Variants in NOX4 observed in about 807,000 individuals in gnomAD.
NOX4 encodes kidney oxidase-1.
Under a neutral mutation model 87.6 loss-of-function variants are expected in NOX4, and 69 were observed. The observed-to-expected ratio is 0.79, with a 90% CI of 0.65 to 0.96. The LOEUF is 0.96. Ranked by LOEUF, NOX4 falls within the 40% of genes least tolerant of loss-of-function variation. NOX4 has a pLI of 0.00. For missense variants in NOX4, 680 were observed against 681.5 expected (o/e 1.00, Z 0.02); for synonymous variants, 275 against 238.2 (o/e 1.15, Z -1.42).
At chr11:89,541,418 C>A in the NOX4 span, among the ~76,000 whole-genome samples, 1 of 152,156 alleles carries the variant, frequency 6.6e-6, no homozygotes, top group Admixed American at 6.5e-5. Flanking sequence ...TCAGTCTCTT[C>A]CAACAACCAG....
the NOX4 span, among the ~76,000 whole-genome samples, chr11:89,573,372 T>TA: frequency 1.1e-4 from 16 of 152,158 alleles, no homozygotes; most frequent in East Asian, 9.7e-4. Context: ...CTGTCTCTAC[T>TA]AAAAAAAGTA....
chr11:89,434,415 G>A (rs941118063), intron 6 of NOX4, among the ~76,000 whole-genome samples: 5 of 151,870 alleles, frequency 3.3e-5, no homozygotes, highest in African/African-American at 7.3e-5. Context: ...TCTTCTTTAC[G>A]CTTCCTTCCT....
chr11:89,353,187 A>G (rs895738632), intron 13 of NOX4, among the ~76,000 whole-genome samples: 2 of 152,258 alleles, frequency 1.3e-5, no homozygotes, highest in African/African-American at 4.8e-5. Flanking sequence ...AAGCAACAGC[A>G]GGGTTTGAGA....
At chr11:89,514,297 T>G in the NOX4 span, among the ~76,000 whole-genome samples, 6 of 152,156 alleles carry the variant, frequency 3.9e-5, no homozygotes, top group African/African-American at 1.4e-4. Context: ...AATTTCATTT[T>G]CATATTGACA....
chr11:89,559,890 G>T, the NOX4 span, among the ~76,000 whole-genome samples: 1 of 152,064 alleles, frequency 6.6e-6, no homozygotes, highest in Non-Finnish European at 1.5e-5. Context: ...AGCTTGATAC[G>T]TTAAACCCAT....
At chr11:89,446,453 G>A (rs1591278036) in intron 4 of NOX4, among the ~76,000 whole-genome samples, 1 of 151,884 alleles carries the variant, frequency 6.6e-6, no homozygotes, top group East Asian at 1.9e-4. Flanking sequence ...TCGAAATCTG[G>A]AAGCAACCAA....
chr11:89,344,454 G>A (rs1159967150), intron 13 of NOX4, among the ~76,000 whole-genome samples: 1 of 152,130 alleles, frequency 6.6e-6, no homozygotes, highest in South Asian at 2.1e-4. Context: ...GGAGGCTGAG[G>A]CAGGAGGATG....
At chr11:89,410,767 T>C (rs981267183) in intron 8 of NOX4, among the ~76,000 whole-genome samples, 4 of 152,146 alleles carry the variant, frequency 2.6e-5, no homozygotes, top group African/African-American at 7.2e-5. Flanking sequence ...TGCTCTGGGA[T>C]TGTAAATAAA....
the NOX4 span, among the ~76,000 whole-genome samples, chr11:89,565,025 C>T: frequency 1.3e-5 from 2 of 152,050 alleles, no homozygotes; most frequent in Admixed American, 1.3e-4. Flanking sequence ...AGTCTGCTTA[C>T]TGATATCTAA....
In NOX4 at chr11:89,402,527, A is replaced by G. The variant is rs1457440707; in HGVS notation, c.645T>C (p.Tyr215=). 6.2e-7 allele frequency: 1 copy of G among 1,610,918 alleles called. No homozygotes were observed. Among genetic ancestry groups the G allele is most frequent in the Non-Finnish European group, 8.5e-7 (1 of 1,178,344 alleles). The change falls in exon 9 of 18, where the codon TAT becomes TAC. Residue 215 remains tyrosine (Y), a synonymous_variant. Coordinates refer to ENST00000263317, the MANE Select transcript of NOX4 (RefSeq NM_016931.5). The part of the protein sequence containing the change: ...TLHVSGGLLK[Y]QTNLDTHPPG... ...GAGGGTGGGTATCTAAATTAGTTTGATACTTCAGCAGCCCTCTAAAATTAC... is the reference window on the plus strand; with the variant it reads ...GAGGGTGGGTATCTAAATTAGTTTGGTACTTCAGCAGCCCTCTAAAATTAC...
chr11:89,372,781 A>G (rs1329071175), intron 12 of NOX4, among the ~76,000 whole-genome samples: 1 of 152,110 alleles, frequency 6.6e-6, no homozygotes, highest in African/African-American at 2.4e-5. Flanking sequence ...TAACAATAAC[A>G]TAACCAACCA....
the NOX4 span, among the ~76,000 whole-genome samples, chr11:89,516,585 A>C: frequency 1.3e-5 from 2 of 152,070 alleles, no homozygotes; most frequent in East Asian, 3.9e-4. Context: ...TACCTGGTTC[A>C]GCACTATTTT....
At position 89,421,981 on chromosome 11, in the gene NOX4, C is replaced by T. The variant is rs1363255979; in HGVS notation, c.550G>A (p.Val184Ile). 6.6e-7 allele frequency: 1 copy of T among 1,510,592 alleles called. No homozygotes were observed. The highest frequency in any genetic ancestry group is 2.2e-5 in the Admixed American group (1 of 45,390). The allele number at this position is 1,510,592 out of a possible 1,614,324, so 93.6% of individuals were successfully genotyped here. ...TACCAGAAGATATCATAGTTAGAAACTCTGCAAAAACAAATACACTCATTT... is the reference window on the plus strand; with the variant it reads ...TACCAGAAGATATCATAGTTAGAAATTCTGCAAAAACAAATACACTCATTT... Reference protein sequence around the residue: ...MITASTYAIRVSNYDIFWYTH... With the variant: ...MITASTYAIRISNYDIFWYTH... Residue 184 changes from valine to isoleucine, a missense_variant and splice_region_variant, in exon 8 of 18, where the codon GTT becomes ATT. Physicochemically the swap from Val to Ile is conservative, Grantham distance 29. Transcript: ENST00000263317.
chr11:89,499,442 G>A (rs188092233), upstream of NOX4, among the ~76,000 whole-genome samples: 162 of 152,278 alleles, frequency 1.1e-3, no homozygotes, highest in Middle Eastern at 6.8e-3. Context: ...CAACAGTGTG[G>A]CAAAGGTTTT....
chr11:89,477,640 A>G (rs916442946), intron 2 of NOX4, among the ~76,000 whole-genome samples: 3 of 152,160 alleles, frequency 2.0e-5, no homozygotes, highest in Non-Finnish European at 4.4e-5. Context: ...ACTGAGGTAT[A>G]TGTTTAATTA....
chr11:89,443,074 T>G, intron 5 of NOX4, among the ~76,000 whole-genome samples: 1 of 152,136 alleles, frequency 6.6e-6, no homozygotes, highest in East Asian at 1.9e-4. Flanking sequence ...CAGTGCTGGA[T>G]GCACTCTACA....
chr11:89,438,809 T>A (rs1333750235), intron 6 of NOX4, among the ~76,000 whole-genome samples: 3 of 24,186 alleles, frequency 1.2e-4, no homozygotes, highest in Non-Finnish European at 1.6e-4. Flanking sequence ...ATATTATATA[T>A]TATATATATT....
chr11:89,448,040 C>T (rs1057207497), intron 4 of NOX4, among the ~76,000 whole-genome samples: 1 of 152,184 alleles, frequency 6.6e-6, no homozygotes, highest in African/African-American at 2.4e-5. Flanking sequence ...GCTATCAAAA[C>T]AGCTATGTCA....
At chr11:89,387,340 C>T (rs537904200) in intron 11 of NOX4, among the ~76,000 whole-genome samples, 1 of 152,068 alleles carries the variant, frequency 6.6e-6, no homozygotes, top group East Asian at 1.9e-4. Context: ...AGAAGCTCCC[C>T]CACTGAGCAC....
Sources: gnomAD v4.1 joint callset for allele counts (sites outside exome capture counted in the v4.1 genomes callset) on GRCh38, gnomAD v4.1.1 for gene constraint, MANE v1.5 for transcripts, NCBI Gene and HGNC (gene_info 2026-07-23, HGNC 2026-07-21) for gene names.